The following FCHSD2 variants were observed in gnomAD, a reference collection of about 807,000 sequenced individuals.
FCHSD2 encodes F-BAR and double SH3 domains protein 2.
Under a neutral mutation model 108.1 loss-of-function variants are expected in FCHSD2, and 38 were observed. That is an observed-to-expected ratio of 0.35 (90% CI 0.27 to 0.46). The LOEUF is 0.46. Ranked by LOEUF, FCHSD2 falls within the 20% of genes least tolerant of loss-of-function variation. The pLI is 1.00. For synonymous variants in FCHSD2, 279 were observed against 314.7 expected (o/e 0.89, Z 1.20); for missense variants, 751 against 897.8 (o/e 0.84, Z 2.09).
intron 12 of FCHSD2, among the ~76,000 whole-genome samples, chr11:72,869,965 A>C (rs1259744895): frequency 6.6e-6 from 1 of 152,106 alleles, no homozygotes; most frequent in Non-Finnish European, 1.5e-5. Context: ...TATCTTTCAC[A>C]GTTTGGCTGA....
chr11:72,947,074 C>G (rs1856535010), intron 8 of FCHSD2, among the ~76,000 whole-genome samples: 1 of 152,234 alleles, frequency 6.6e-6, no homozygotes, highest in African/African-American at 2.4e-5. Flanking sequence ...AGACTCACAT[C>G]ACTGGGTCTG....
chr11:72,905,881 T>C (rs1290562359), intron 9 of FCHSD2, among the ~76,000 whole-genome samples: 9 of 152,238 alleles, frequency 5.9e-5, no homozygotes, highest in African/African-American at 2.2e-4. Context: ...CTATTGTGAA[T>C]AGTGCCGCAA....
Position 72,838,541 on chromosome 11 carries a change from C to T in FCHSD2, c.*250G>A, listed in dbSNP as rs752643443. On this transcript the variant is annotated 3_prime_UTR_variant, in exon 20 of 20. Transcript: ENST00000409418. ...TGTTAGGCATGAGGGCTGCCCCCCTCTTTGCTCCTAGGGTCCGCTAGGATT... is the reference window on the plus strand; with the variant it reads ...TGTTAGGCATGAGGGCTGCCCCCCTTTTTGCTCCTAGGGTCCGCTAGGATT... 1.3e-5 allele frequency: 7 copies of T among 537,780 alleles called. No individual in the cohort carries two copies. The highest frequency in any genetic ancestry group is 2.4e-5 in the Non-Finnish European group (7 of 297,720). 33.3% of individuals were successfully genotyped at this position (537,780 alleles called of 1,614,324 possible).
At chr11:72,882,157 C>G (rs1397300668) in intron 12 of FCHSD2, among the ~76,000 whole-genome samples, 1 of 150,034 alleles carries the variant, frequency 6.7e-6, no homozygotes, top group African/African-American at 2.5e-5. Flanking sequence ...AAAAAGAGAG[C>G]AGAGGCTGGG....
chr11:73,108,115 G>A (rs904760866), intron 2 of FCHSD2, among the ~76,000 whole-genome samples: 3 of 152,152 alleles, frequency 2.0e-5, no homozygotes, highest in African/African-American at 7.2e-5. Context: ...CATTTGAACT[G>A]GGGTAATATC....
rs1380384181 is a variant in FCHSD2, at chr11:73,074,016, A to G, written c.165+9679T>C. ...AGAAAATATAAAGGGCAATAATAGT[A>G]TAAGATCTTAAACGAACAGATATCA... On this transcript the variant is annotated intron_variant, in intron 3 of 19. Coordinates refer to ENST00000409418, the MANE Select transcript of FCHSD2 (RefSeq NM_014824.3). Among the ~76,000 whole-genome samples, 3 of 152,330 alleles carry G rather than the reference A, an allele frequency of 2.0e-5. No homozygotes were observed. The East Asian group carries it at 5.8e-4, about 29-fold the overall frequency.
intron 3 of FCHSD2, among the ~76,000 whole-genome samples, chr11:73,043,353 A>G (rs1171668105): frequency 6.6e-6 from 1 of 152,178 alleles, no homozygotes; most frequent in African/African-American, 2.4e-5. Context: ...ATAAGCAAGT[A>G]TTTATCATCC....
chr11:73,057,823 G>A (rs1448231127), intron 3 of FCHSD2, among the ~76,000 whole-genome samples: 3 of 151,766 alleles, frequency 2.0e-5, no homozygotes, highest in Admixed American at 6.6e-5. Flanking sequence ...CTCAGTTCTT[G>A]AGGGATCTAA....
At chr11:73,013,496 G>A (rs927017530) in intron 4 of FCHSD2, among the ~76,000 whole-genome samples, 4 of 152,084 alleles carry the variant, frequency 2.6e-5, no homozygotes, top group Admixed American at 6.6e-5. Context: ...TACTTTAACC[G>A]CTGACATGTA....
intron 8 of FCHSD2, among the ~76,000 whole-genome samples, chr11:72,968,955 T>C (rs904049612): frequency 2.0e-5 from 3 of 152,240 alleles, no homozygotes; most frequent in Non-Finnish European, 2.9e-5. Flanking sequence ...GGTAATAATA[T>C]TAAGGCTTTG....
intron 8 of FCHSD2, among the ~76,000 whole-genome samples, chr11:72,969,402 A>C (rs538459213): frequency 7.6e-4 from 116 of 152,350 alleles, no homozygotes; most frequent in Admixed American, 1.2e-3. Context: ...CACCTCAGTT[A>C]ATTTTTTAGA....
At chr11:72,903,045 T>C (rs983293294) in intron 9 of FCHSD2, among the ~76,000 whole-genome samples, 1 of 152,208 alleles carries the variant, frequency 6.6e-6, no homozygotes, top group Non-Finnish European at 1.5e-5. Flanking sequence ...TTCATGGCCA[T>C]TGCCATCCAC....
At chr11:72,912,181 T>C (rs1480694884) in intron 9 of FCHSD2, among the ~76,000 whole-genome samples, 2 of 152,240 alleles carry the variant, frequency 1.3e-5, no homozygotes, top group African/African-American at 4.8e-5. Context: ...CAGTACTATG[T>C]TGAACAACAG....
chr11:72,869,527 T>C (rs916136100), intron 12 of FCHSD2: 2 of 137,430 alleles, frequency 1.5e-5, no homozygotes, highest in Admixed American at 7.3e-5. Flanking sequence ...GAATACTTGC[T>C]TTTTTTTTTT....
chr11:72,986,845 A>G (rs1362321153), intron 6 of FCHSD2, among the ~76,000 whole-genome samples: 1 of 152,160 alleles, frequency 6.6e-6, no homozygotes, highest in East Asian at 1.9e-4. Flanking sequence ...ACACCCAAAC[A>G]CTACACAAAT....
intron 8 of FCHSD2, among the ~76,000 whole-genome samples, chr11:72,964,242 A>C (rs1856864806): frequency 6.6e-6 from 1 of 152,228 alleles, no homozygotes; most frequent in Non-Finnish European, 1.5e-5. Context: ...TATGTACAGG[A>C]AAATGAACAA....
At chr11:72,947,397 T>C (rs1212076525) in intron 8 of FCHSD2, among the ~76,000 whole-genome samples, 1 of 152,212 alleles carries the variant, frequency 6.6e-6, no homozygotes, top group Non-Finnish European at 1.5e-5. Context: ...TGCTCTCCCA[T>C]GTAGTGTCCC....
chr11:72,923,121 C>T (rs1398547521), intron 8 of FCHSD2, among the ~76,000 whole-genome samples: 1 of 152,092 alleles, frequency 6.6e-6, no homozygotes, highest in Non-Finnish European at 1.5e-5. Flanking sequence ...TACTTCATTC[C>T]TTTTTACAGC....
intron 5 of FCHSD2, among the ~76,000 whole-genome samples, chr11:72,994,714 C>A (rs1302191038): frequency 6.6e-6 from 1 of 151,646 alleles, no homozygotes; most frequent in Non-Finnish European, 1.5e-5. Flanking sequence ...TGCAGTGAGC[C>A]GAGATCATGC....
Sources: gnomAD v4.1 joint callset for allele counts (sites outside exome capture counted in the v4.1 genomes callset) on GRCh38, gnomAD v4.1.1 for gene constraint, MANE v1.5 for transcripts, NCBI Gene and HGNC (gene_info 2026-07-23, HGNC 2026-07-21) for gene names.